The following FSIP1 variants were observed in gnomAD, a reference collection of about 807,000 sequenced individuals.
FSIP1 encodes fibrous sheath-interacting protein 1.
Under a neutral mutation model 60.9 loss-of-function variants are expected in FSIP1, and 65 were observed. That is an observed-to-expected ratio of 1.07 (90% CI 0.87 to 1.31). The LOEUF is 1.31. Among genes scored for constraint, FSIP1 ranks in the 40% most tolerant of loss-of-function variants. The pLI is 0.00. For synonymous variants in FSIP1, 209 were observed against 221.2 expected (o/e 0.94, Z 0.49); for missense variants, 675 against 665.5 (o/e 1.01, Z -0.16).
At chr15:39,697,719 C>T (rs1444014027) in intron 10 of FSIP1, among the ~76,000 whole-genome samples, 1 of 152,168 alleles carries the variant, frequency 6.6e-6, no homozygotes, top group East Asian at 1.9e-4. Flanking sequence ...CACACTTCTC[C>T]TACTTCTCAA....
intron 10 of FSIP1, among the ~76,000 whole-genome samples, chr15:39,711,185 G>A (rs1895490432): frequency 6.6e-6 from 1 of 152,194 alleles, no homozygotes; most frequent in Admixed American, 6.5e-5. Context: ...ATTTCTCACA[G>A]TTCTAGAAGC....
intron 8 of FSIP1, among the ~76,000 whole-genome samples, chr15:39,730,104 GA>G (rs74645697): frequency 0.12 from 16,549 of 140,756 alleles, 1,011 homozygotes; most frequent in Middle Eastern, 0.24. Flanking sequence ...GGCCTTACCA[GA>G]AAAAAAAAAA....
chr15:39,773,438 G>A (rs540829564), intron 2 of FSIP1, among the ~76,000 whole-genome samples: 5 of 152,270 alleles, frequency 3.3e-5, no homozygotes, highest in African/African-American at 1.2e-4. Context: ...AGTTTAACCT[G>A]TAGCTTAGTA....
At chr15:39,646,234 G>C (rs116648218) in intron 10 of FSIP1, among the ~76,000 whole-genome samples, 2 of 152,232 alleles carry the variant, frequency 1.3e-5, no homozygotes, top group South Asian at 4.1e-4. Context: ...CCTGCCAGTA[G>C]AGAGGAGCTA....
chr15:39,617,740 A>G lies in FSIP1; in HGVS notation c.1694T>C (p.Ile565Thr), dbSNP rs1249453249. 1.2e-6 allele frequency: 2 copies of G among 1,611,400 alleles called. No homozygotes were observed. The highest frequency in any genetic ancestry group is 1.3e-5 in the African/African-American group (1 of 74,742). ...HLKLSSPENT[I>T]ADEQETKDAA... ...ACATGTTCGCCAAGCCTCACCTGCT[A>G]TTGTATTCTCTGGAGAACTGAGTTT... The change falls in exon 11 of 12, where the codon ATA (isoleucine) becomes ACA (threonine). Residue 565 changes from isoleucine (I) to threonine (T), a missense_variant. Physicochemically the swap from Ile to Thr is moderately conservative, Grantham distance 89. Transcript: ENST00000350221.
intron 10 of FSIP1, among the ~76,000 whole-genome samples, chr15:39,622,569 AGACTC>A (rs574059173): frequency 8.3e-4 from 126 of 152,366 alleles, no homozygotes; most frequent in Non-Finnish European, 1.6e-3. Context: ...TAAGCAGACT[AGACTC>A]TGCTCTAGGC....
intron 10 of FSIP1, among the ~76,000 whole-genome samples, chr15:39,641,114 A>C (rs1357997025): frequency 6.6e-6 from 1 of 152,230 alleles, no homozygotes; most frequent in Non-Finnish European, 1.5e-5. Context: ...TCTATTAGAC[A>C]CCTGGAAATC....
intron 1 of FSIP1, among the ~76,000 whole-genome samples, chr15:39,780,366 T>C (rs1898216927): frequency 6.6e-6 from 1 of 151,890 alleles, no homozygotes; most frequent in South Asian, 2.1e-4. Context: ...CTACTAAAAA[T>C]ACAAAAAAAT....
rs150457748 is a variant in FSIP1, at chr15:39,742,362, C to G, written c.560-462G>C. ...AATGTGAGAGAGAACTTGGGAGACT[C>G]TTAGCAGTTAACTTTCTTCTTTTCT... On this transcript the variant is annotated intron_variant, in intron 5 of 11. Transcript: ENST00000350221. Among the ~76,000 whole-genome samples, 1,293 of 152,282 alleles carry G rather than the reference C, an allele frequency of 8.5e-3. 17 individuals are homozygous for G. Among genetic ancestry groups the G allele is most frequent in the African/African-American group, 0.029 (1,205 of 41,560 alleles).
At chr15:39,676,994 G>A (rs1254094768) in intron 10 of FSIP1, among the ~76,000 whole-genome samples, 1 of 152,200 alleles carries the variant, frequency 6.6e-6, no homozygotes, top group African/African-American at 2.4e-5. Flanking sequence ...AAGTGTCAGA[G>A]TAGTGTTCTA....
In FSIP1 at chr15:39,726,762, G is replaced by A. The variant is rs1045005214; in HGVS notation, c.892-15C>T. 5.6e-6 allele frequency: 9 copies of A among 1,609,876 alleles called. No homozygotes were observed. In the Admixed American group the frequency reaches 8.4e-5, roughly 15 times the overall value. The stretch of plus-strand genomic sequence containing the variant: ...GACTGATCACCCTAAGAGGAAACAA[G>A]GGTCACCAGGTCATTCTCAGGCTAT... On this transcript the variant is annotated splice_polypyrimidine_tract_variant and intron_variant, in intron 8 of 11. Coordinates refer to ENST00000350221, the MANE Select transcript of FSIP1 (RefSeq NM_152597.5).
chr15:39,627,099 G>A (rs1250349185), intron 10 of FSIP1, among the ~76,000 whole-genome samples: 1 of 152,342 alleles, frequency 6.6e-6, no homozygotes, highest in East Asian at 1.9e-4. Context: ...ACATGCCCAA[G>A]AAGTTTCCCA....
At chr15:39,768,676 T>C (rs989820190) in intron 3 of FSIP1, among the ~76,000 whole-genome samples, 3 of 152,232 alleles carry the variant, frequency 2.0e-5, no homozygotes, top group Admixed American at 6.5e-5. Context: ...CACAGACAAG[T>C]GGTTAAAACA....
At chr15:39,737,663 T>A (rs187394905) in intron 8 of FSIP1, among the ~76,000 whole-genome samples, 2,591 of 152,074 alleles carry the variant, frequency 0.017, 21 homozygotes, top group Non-Finnish European at 0.025. Context: ...ACAGGATTTT[T>A]AAAAAAAAAT....
At chr15:39,649,945 G>A (rs1452034337) in intron 10 of FSIP1, among the ~76,000 whole-genome samples, 4 of 152,116 alleles carry the variant, frequency 2.6e-5, no homozygotes, top group African/African-American at 9.7e-5. Context: ...CTCATTTCTG[G>A]CCCCACACTT....
chr15:39,739,565 T>TGATGGTTGAAAA, intron 7 of FSIP1, 100 bp downstream of exon 7: 10 of 1,098,196 alleles, frequency 9.1e-6, no homozygotes, highest in Non-Finnish European at 1.3e-5. Flanking sequence ...TATACATTTA[T>TGATGGTTGAAAA]GATGGTTGAA....
At position 39,608,108 on chromosome 15, in the gene FSIP1, T is replaced by A. The variant is rs765352649; in HGVS notation, c.1700-7182A>T. ...GTTAGTAAAACTCCAACTTCAGATA[T>A]TCTAACATGCTCAAAGTAATAATGT... On this transcript the variant is annotated intron_variant, in intron 11 of 11. Transcript: ENST00000350221. Among the ~76,000 whole-genome samples, 113 of 152,228 alleles carry A rather than the reference T, an allele frequency of 7.4e-4. 1 individual carries two copies. Among genetic ancestry groups the A allele is most frequent in the Admixed American group, 9.8e-4 (15 of 15,286 alleles).
intron 11 of FSIP1, among the ~76,000 whole-genome samples, chr15:39,614,000 G>A (rs907102646): frequency 2.0e-5 from 3 of 151,964 alleles, no homozygotes; most frequent in African/African-American, 2.4e-5. Flanking sequence ...CATACTCAAC[G>A]GTGAAAAGTA....
chr15:39,700,675 C>A (rs1895021861), intron 10 of FSIP1, among the ~76,000 whole-genome samples: 1 of 152,142 alleles, frequency 6.6e-6, no homozygotes, highest in South Asian at 2.1e-4. Context: ...AAAGATTGCC[C>A]ACCCCAGTGT....
Sources: gnomAD v4.1 joint callset for allele counts (sites outside exome capture counted in the v4.1 genomes callset) on GRCh38, gnomAD v4.1.1 for gene constraint, MANE v1.5 for transcripts, NCBI Gene and HGNC (gene_info 2026-07-23, HGNC 2026-07-21) for gene names.